SLC24A4: variants seen among roughly 807,000 people sequenced by gnomAD.
The protein encoded by SLC24A4 is solute carrier family 24 member 4, also known as sodium/potassium/calcium exchanger 4.
In SLC24A4, 53 loss-of-function variants were observed where a neutral mutation model predicts 79.0. The observed-to-expected ratio is 0.67, with a 90% CI of 0.54 to 0.84. The LOEUF (loss-of-function observed/expected upper bound fraction) is 0.84, where lower values mean the gene tolerates loss of function less well. Among genes scored for constraint, SLC24A4 ranks in the 40% least tolerant of loss-of-function variants. The pLI is 0.00. For synonymous variants in SLC24A4, 323 were observed against 323.8 expected, an observed-to-expected ratio of 1.00 and a Z score of 0.03; for missense variants, 731 against 822.0, an observed-to-expected ratio of 0.89 and a Z score of 1.35.
intron 14 of SLC24A4, among the ~76,000 whole-genome samples, 170 bp downstream of exon 14, chr14:92,486,950 A>G (rs1895399809): frequency 6.6e-6 from 1 of 152,224 alleles, no homozygotes; most frequent in Non-Finnish European, 1.5e-5. Flanking sequence ...GATTCCATCC[A>G]CAGAGAGAAT....
intron 2 of SLC24A4, among the ~76,000 whole-genome samples, chr14:92,359,825 C>T (rs1265933862): frequency 1.3e-5 from 2 of 152,238 alleles, no homozygotes; most frequent in Non-Finnish European, 2.9e-5. Flanking sequence ...CTCTGCCTTG[C>T]ATTTCCTAAA....
At chr14:92,477,824 C>A (rs1393866265) in intron 12 of SLC24A4, among the ~76,000 whole-genome samples, 3 of 147,794 alleles carry the variant, frequency 2.0e-5, no homozygotes, top group Non-Finnish European at 4.5e-5. Flanking sequence ...GCTTTGTCTC[C>A]CAGGCTGGAG....
At chr14:92,486,812 G>A in intron 14 of SLC24A4, 32 bp downstream of exon 14, 2 of 1,507,404 alleles carry the variant, frequency 1.3e-6, no homozygotes, top group East Asian at 4.5e-5. Context: ...TCATAGTCAT[G>A]CAGTGCAGGC....
rs765370153 is a variant in SLC24A4 at position 92,325,895 on chromosome 14, G to T, written c.158G>T (p.Arg53Leu). 1 of 1,611,496 alleles carries T rather than the reference G, an allele frequency of 6.2e-7. No homozygotes were observed. Among genetic ancestry groups the T allele is most frequent in the Non-Finnish European group, 8.5e-7 (1 of 1,178,818 alleles). ...CACAAAACAGCTTCTGCTAGCAAAC[G>T]TGTCCTGCCAGACACGTGGAGAAAT... ...LGHKTASASK[R>L]VLPDTWRNRK... Residue 53 changes from arginine to leucine, a missense_variant, in exon 2 of 17, where the codon CGT becomes CTT. Coordinates refer to ENST00000532405, the MANE Select transcript of SLC24A4 (RefSeq NM_153646.4).
At chr14:92,485,980 AGTGTCCAC>A (rs1895332881) in intron 13 of SLC24A4, among the ~76,000 whole-genome samples, 1 of 152,324 alleles carries the variant, frequency 6.6e-6, no homozygotes, top group South Asian at 2.1e-4. Flanking sequence ...TAAAGAAGGC[AGTGTCCAC>A]GTTAGCCTTG....
At chr14:92,453,756 C>A in intron 10 of SLC24A4, 144 bp from the exon 11 acceptor site, 1 of 788,374 alleles carries the variant, frequency 1.3e-6, no homozygotes, top group Non-Finnish European at 1.9e-6. Context: ...GGAGTTGAAG[C>A]CAGGCATCCA....
intron 14 of SLC24A4, among the ~76,000 whole-genome samples, chr14:92,487,204 G>A (rs1221946588): frequency 6.6e-6 from 1 of 152,194 alleles, no homozygotes; most frequent in Non-Finnish European, 1.5e-5. Flanking sequence ...TAATGTTTTG[G>A]TTTGTTTGGT....
intron 12 of SLC24A4, among the ~76,000 whole-genome samples, chr14:92,481,271 C>T (rs1895058477): frequency 1.3e-5 from 2 of 152,234 alleles, no homozygotes; most frequent in South Asian, 4.1e-4. Flanking sequence ...CTTTTCAAAG[C>T]CCACTGTGGA....
intron 2 of SLC24A4, among the ~76,000 whole-genome samples, chr14:92,342,723 G>T (rs1457838400): frequency 6.6e-6 from 1 of 152,196 alleles, no homozygotes; most frequent in East Asian, 1.9e-4. Flanking sequence ...TAACAATTTT[G>T]ATTCTTGATC....
At chr14:92,488,692 G>A (rs1895511103) in intron 14 of SLC24A4, among the ~76,000 whole-genome samples, 1 of 151,848 alleles carries the variant, frequency 6.6e-6, no homozygotes, top group African/African-American at 2.4e-5. Context: ...GCCCAGTACA[G>A]TGAGTACAAG....
In SLC24A4 at chr14:92,501,161, C is replaced by G. The variant is rs1005630319; in HGVS notation, c.*7533C>G. The stretch of plus-strand genomic sequence containing the variant: ...GAACACCACCATCTTTGTTCATTCT[C>G]TCTCTAATGGGCAAAGCAGGATCAT... On this transcript the variant is annotated 3_prime_UTR_variant, in exon 17 of 17. Coordinates refer to ENST00000532405, the MANE Select transcript of SLC24A4 (RefSeq NM_153646.4). The G allele has an allele frequency of 6.6e-6, 1 of 152,226 alleles. No homozygotes were observed. The highest frequency in any genetic ancestry group is 2.4e-5 in the African/African-American group (1 of 41,446). The allele number at this position is 152,226 out of a possible 1,614,324, so 9.4% of individuals were successfully genotyped here.
intron 2 of SLC24A4, among the ~76,000 whole-genome samples, chr14:92,409,496 G>C (rs1005197257): frequency 1.3e-5 from 2 of 152,190 alleles, no homozygotes; most frequent in African/African-American, 4.8e-5. Flanking sequence ...TTTGTTCTTA[G>C]AGCTTTTTAT....
intron 2 of SLC24A4, among the ~76,000 whole-genome samples, chr14:92,364,748 C>T (rs1395193813): frequency 6.6e-6 from 1 of 152,208 alleles, no homozygotes; most frequent in Non-Finnish European, 1.5e-5. Context: ...GATCTCAGAG[C>T]CTCTCTATCA....
At chr14:92,322,859 C>T (rs1884868291), upstream of SLC24A4, among the ~76,000 whole-genome samples, 4 of 151,976 alleles carry the variant, frequency 2.6e-5, no homozygotes, top group African/African-American at 4.8e-5. Flanking sequence ...CGGACAGGAG[C>T]GACTACACTG....
intron 2 of SLC24A4, among the ~76,000 whole-genome samples, chr14:92,330,688 A>G (rs980227891): frequency 2.6e-5 from 4 of 152,194 alleles, no homozygotes; most frequent in Non-Finnish European, 5.9e-5. Flanking sequence ...AGGGCTCTCT[A>G]CTTGGCTTGC....
intron 2 of SLC24A4, among the ~76,000 whole-genome samples, chr14:92,381,603 A>G (rs1411936090): frequency 6.6e-6 from 1 of 152,244 alleles, no homozygotes; most frequent in African/African-American, 2.4e-5. Context: ...AACTTAAAGT[A>G]CAATTTAAAA....
intron 2 of SLC24A4, among the ~76,000 whole-genome samples, chr14:92,335,074 C>T (rs57231768): frequency 0.13 from 19,794 of 152,082 alleles, 1,698 homozygotes; most frequent in African/African-American, 0.24. Flanking sequence ...CCAAGTCACG[C>T]GGCCAACAAA....
chr14:92,453,808 G>T, intron 10 of SLC24A4, 92 bp from the exon 11 acceptor site: 1 of 1,409,414 alleles, frequency 7.1e-7, no homozygotes, highest in Non-Finnish European at 9.5e-7. Context: ...ACAGCCTAGG[G>T]CAGCTCACAA....
intron 2 of SLC24A4, among the ~76,000 whole-genome samples, chr14:92,349,981 G>A (rs897500992): frequency 6.6e-6 from 1 of 152,168 alleles, no homozygotes; most frequent in African/African-American, 2.4e-5. Flanking sequence ...CGCCTACCTG[G>A]CAGATATTTC....
Sources: gnomAD v4.1 joint callset for allele counts (sites outside exome capture counted in the v4.1 genomes callset) on GRCh38, gnomAD v4.1.1 for gene constraint, MANE v1.5 for transcripts, NCBI Gene and HGNC (gene_info 2026-07-23, HGNC 2026-07-21) for gene names.